Variants in SLC6A17 observed in about 807,000 individuals in gnomAD.
SLC6A17 encodes sodium-dependent neutral amino acid transporter SLC6A17.
A neutral mutation model predicts 64.5 loss-of-function variants in SLC6A17; 21 were observed. The observed-to-expected ratio is 0.33, with a 90% CI of 0.23 to 0.47. The LOEUF (loss-of-function observed/expected upper bound fraction) is 0.47. Among genes scored for constraint, SLC6A17 ranks in the 20% least tolerant of loss-of-function variants. The probability of loss-of-function intolerance (pLI) is 1.00; values close to 1 mark genes in which losing one functional copy is unlikely to be tolerated. For missense variants in SLC6A17, 682 were observed against 963.2 expected (o/e 0.71, Z 3.86); for synonymous variants, 372 against 399.5 (o/e 0.93, Z 0.82).
intron 1 of SLC6A17, among the ~76,000 whole-genome samples, chr1:110,152,063 A>T (rs1260500948): frequency 6.6e-6 from 1 of 152,212 alleles, no homozygotes; most frequent in African/African-American, 2.4e-5. Context: ...GGACACGCTC[A>T]CTGATGTCTG....
rs376859911 is a variant in SLC6A17 at position 110,201,887 on chromosome 1, C to T, written c.*3443C>T. The T allele has an allele frequency of 6.6e-6, 1 of 152,340 alleles. No individual in the cohort carries two copies. The highest frequency in any genetic ancestry group is 1.5e-5 in the Non-Finnish European group (1 of 68,158). The allele number at this position is 152,340 out of a possible 1,614,324, so 9.4% of individuals were successfully genotyped here. The stretch of plus-strand genomic sequence containing the variant: ...GAATGAACCTGGCTCCCTGAGCATC[C>T]CTGGATCCTTCAAATAGGCCCTGAG... On this transcript the variant is annotated 3_prime_UTR_variant, in exon 12 of 12. Coordinates refer to ENST00000331565, the MANE Select transcript of SLC6A17 (RefSeq NM_001010898.4).
At chr1:110,156,967 T>C (rs190621617) in intron 1 of SLC6A17, among the ~76,000 whole-genome samples, 1 of 152,340 alleles carries the variant, frequency 6.6e-6, no homozygotes, top group African/African-American at 2.4e-5. Context: ...TGGCAGATGC[T>C]GTGAGGACTC....
At chr1:110,194,800 C>A in intron 9 of SLC6A17, 29 bp downstream of exon 9, 2 of 1,607,282 alleles carry the variant, frequency 1.2e-6, no homozygotes, top group Non-Finnish European at 8.5e-7. Flanking sequence ...CATGCCCAGG[C>A]TCTGCAGGCT....
At chr1:110,182,669 A>C (rs1395289627) in intron 6 of SLC6A17, among the ~76,000 whole-genome samples, 2 of 151,702 alleles carry the variant, frequency 1.3e-5, no homozygotes, top group East Asian at 3.9e-4. Context: ...TTCTAGATGC[A>C]GAGTGAAGAA....
chr1:110,196,014 C>T (rs1315396530), intron 10 of SLC6A17, among the ~76,000 whole-genome samples: 1 of 152,202 alleles, frequency 6.6e-6, no homozygotes, highest in Non-Finnish European at 1.5e-5. Flanking sequence ...ACCAACTCTT[C>T]AGAACTCTGT....
intron 3 of SLC6A17, among the ~76,000 whole-genome samples, chr1:110,173,514 G>C (rs1656295297): frequency 6.6e-6 from 1 of 152,204 alleles, no homozygotes; most frequent in Non-Finnish European, 1.5e-5. Context: ...ATGCCCGAGA[G>C]AGTGGAATCC....
chr1:110,170,213 A>C (rs1656182076), intron 2 of SLC6A17, among the ~76,000 whole-genome samples: 1 of 152,192 alleles, frequency 6.6e-6, no homozygotes, highest in Non-Finnish European at 1.5e-5. Context: ...GGCTGGGCGC[A>C]GTGGCTCACA....
chr1:110,160,699 A>G (rs1374408874), intron 1 of SLC6A17, among the ~76,000 whole-genome samples: 2 of 152,210 alleles, frequency 1.3e-5, no homozygotes, highest in Non-Finnish European at 2.9e-5. Context: ...GGGGACCTAG[A>G]AGGCTTCAGC....
chr1:110,199,236 A>T lies in SLC6A17; in HGVS notation c.*792A>T, dbSNP rs1657054496. On this transcript the variant is annotated 3_prime_UTR_variant, in exon 12 of 12. Transcript: ENST00000331565. ...ACCTTCCCCACCTCAATTAGGGCTTAGCCATCTCCCTGTCCCCAGCACCCC... is the reference window on the plus strand; with the variant it reads ...ACCTTCCCCACCTCAATTAGGGCTTTGCCATCTCCCTGTCCCCAGCACCCC... 6.6e-6 allele frequency: 1 copy of T among 152,494 alleles called. No individual in the cohort carries two copies. The highest frequency in any genetic ancestry group is 6.5e-5 in the Admixed American group (1 of 15,286). The allele number at this position is 152,494 out of a possible 1,614,324, so 9.4% of individuals were successfully genotyped here. A position where few individuals can be genotyped will look rare whatever the true frequency, so the allele number is the denominator to read the frequency against.
intron 1 of SLC6A17, among the ~76,000 whole-genome samples, chr1:110,158,414 C>T (rs1655815786): frequency 1.3e-5 from 2 of 152,226 alleles, no homozygotes; most frequent in African/African-American, 4.8e-5. Context: ...GCATGTCCCA[C>T]CCAGCTCCAG....
chr1:110,162,308 T>G (rs17670816), intron 1 of SLC6A17, among the ~76,000 whole-genome samples: 3,755 of 152,294 alleles, frequency 0.025, 70 homozygotes, highest in Non-Finnish European at 0.034. Context: ...TTCGCATCCA[T>G]TGTTACAGGT....
rs746823012 is a variant in SLC6A17 at position 110,178,360 on chromosome 1, A to T, written c.864+1621A>T. Among the ~76,000 whole-genome samples, 7 of 152,324 alleles carry T rather than the reference A, an allele frequency of 4.6e-5. No homozygotes were observed. In the South Asian group the frequency reaches 6.2e-4, roughly 14 times the overall value. On this transcript the variant is annotated intron_variant, in intron 6 of 11. Coordinates refer to ENST00000331565, the MANE Select transcript of SLC6A17 (RefSeq NM_001010898.4). ...CACAGGAGCAGCTGCTGGTCCCAAC[A>T]CACACAATACTGCTCCCCACTGGAT...
chr1:110,196,879 A>G (rs182184938), intron 10 of SLC6A17, among the ~76,000 whole-genome samples: 1 of 152,320 alleles, frequency 6.6e-6, no homozygotes, highest in Admixed American at 6.5e-5. Context: ...TGTTAATACT[A>G]CTGTGTTTGC....
chr1:110,187,799 T>A (rs956056787), intron 6 of SLC6A17, among the ~76,000 whole-genome samples: 1 of 152,240 alleles, frequency 6.6e-6, no homozygotes, highest in Non-Finnish European at 1.5e-5. Flanking sequence ...TTCTGGAGCA[T>A]TCTTGAAAAA....
intron 6 of SLC6A17, among the ~76,000 whole-genome samples, chr1:110,182,594 G>C (rs78705080): frequency 0.04 from 5,989 of 149,478 alleles, 263 homozygotes; most frequent in East Asian, 0.19. Context: ...GTGGGTGGGC[G>C]GTGGCGGGGA....
chr1:110,196,008 A>G (rs1656957301), intron 10 of SLC6A17, among the ~76,000 whole-genome samples: 1 of 152,004 alleles, frequency 6.6e-6, no homozygotes. Flanking sequence ...CTGGGTACCA[A>G]CTCTTCAGAA....
intron 1 of SLC6A17, among the ~76,000 whole-genome samples, chr1:110,160,207 T>A (rs1655869813): frequency 6.6e-6 from 1 of 152,264 alleles, no homozygotes; most frequent in Admixed American, 6.5e-5. Context: ...GCTCTCCCCA[T>A]GTGTGCTGCA....
chr1:110,198,093 G>A lies in SLC6A17; in HGVS notation c.1833G>A (p.Leu611=). The stretch of plus-strand genomic sequence containing the variant: ...ACCCGCAGGCTGCCGAGCGCTACCT[G>A]TATTTCCCCAACTGGGCCATGGCAC... The part of the protein sequence containing the change: ...WIKEEAAERY[L]YFPNWAMALL... Residue 611 remains leucine (L), a synonymous_variant, in exon 12 of 12, where the codon CTG becomes CTA. Transcript: ENST00000331565. 9.9e-6 allele frequency: 16 copies of A among 1,613,156 alleles called. No homozygotes were observed. Among genetic ancestry groups the A allele is most frequent in the African/African-American group, 1.3e-5 (1 of 75,022 alleles).
At chr1:110,173,924 G>A (rs1416328267) in intron 3 of SLC6A17, 49 bp from the exon 4 acceptor site, 1 of 1,603,772 alleles carries the variant, frequency 6.2e-7, no homozygotes. Context: ...GTGGGGGCAG[G>A]GTGGAGTTGC....
Sources: gnomAD v4.1 joint callset for allele counts (sites outside exome capture counted in the v4.1 genomes callset) on GRCh38, gnomAD v4.1.1 for gene constraint, MANE v1.5 for transcripts, NCBI Gene and HGNC (gene_info 2026-07-23, HGNC 2026-07-21) for gene names.